NSMCE1: variants seen among roughly 807,000 people sequenced by gnomAD.
NSMCE1 encodes the protein NSE1 component of SMC5/6 complex.
A neutral mutation model predicts 29.6 loss-of-function variants in NSMCE1; 18 were observed. The observed-to-expected ratio is 0.61, with a 90% CI of 0.42 to 0.90. The LOEUF (loss-of-function observed/expected upper bound fraction) is 0.90, where lower values mean the gene tolerates loss of function less well. Among genes scored for constraint, NSMCE1 ranks in the 40% least tolerant of loss-of-function variants. The pLI is 0.00. For missense variants in NSMCE1, 314 were observed against 343.6 expected, an observed-to-expected ratio of 0.91 and a Z score of 0.68; for synonymous variants, 124 against 133.4, an observed-to-expected ratio of 0.93 and a Z score of 0.49.
chr16:27,234,219 G>A lies in NSMCE1; in HGVS notation c.305C>T (p.Ala102Val), dbSNP rs1395664179. 4 of 1,613,164 alleles carry A rather than the reference G, an allele frequency of 2.5e-6. No homozygotes were observed. Among genetic ancestry groups the A allele is most frequent in the Admixed American group, 1.7e-5 (1 of 60,010 alleles). The stretch of plus-strand genomic sequence containing the variant: ...TCTAAACAAATCCAGTTCATTCTCT[G>A]CAAAATCCGTAGCCATTTTGGAAAT... ...TSISKMATDF[A>V]ENELDLFRKA... Residue 102 changes from alanine to valine, a missense_variant, in exon 4 of 8, where the codon GCA becomes GTA. Coordinates refer to ENST00000361439, the MANE Select transcript of NSMCE1 (RefSeq NM_145080.4).
intron 2 of NSMCE1, among the ~76,000 whole-genome samples, chr16:27,242,215 T>C (rs571452900): frequency 3.3e-5 from 5 of 152,224 alleles, no homozygotes; most frequent in Non-Finnish European, 7.3e-5. Flanking sequence ...CTTGACTCCT[T>C]GACCCTCATG....
chr16:27,225,939 T>C, intron 6 of NSMCE1, 93 bp from the exon 7 acceptor site: 1 of 1,473,324 alleles, frequency 6.8e-7, no homozygotes, highest in Admixed American at 1.7e-5. Flanking sequence ...GGGCAGCAGG[T>C]GGCATCGTGT....
In NSMCE1 at chr16:27,261,711, G is replaced by C. The variant is rs537854310; in HGVS notation, c.-11-4130C>G. Among the ~76,000 whole-genome samples, 281 of 152,262 alleles carry C rather than the reference G, an allele frequency of 1.8e-3. 4 individuals carry two copies. The highest frequency in any genetic ancestry group is 2.1e-3 in the Non-Finnish European group (141 of 68,018). On this transcript the variant is annotated intron_variant, in intron 1 of 7. Coordinates refer to ENST00000361439, the MANE Select transcript of NSMCE1 (RefSeq NM_145080.4). ...AAAGCAAACCCTCCCCAACCCATCT[G>C]ACAAGGCTAACCTAATTTGGCCCTG...
chr16:27,234,312 T>C (rs1386513380), intron 3 of NSMCE1, 47 bp from the exon 4 acceptor site: 3 of 1,306,692 alleles, frequency 2.3e-6, no homozygotes, highest in African/African-American at 2.9e-5. Flanking sequence ...CTTTGCGTGT[T>C]GGTTAACGTG....
At chr16:27,237,402 G>A (rs1415840205) in intron 2 of NSMCE1, among the ~76,000 whole-genome samples, 1 of 152,156 alleles carries the variant, frequency 6.6e-6, no homozygotes, top group African/African-American at 2.4e-5. Flanking sequence ...TCTGCCCCCG[G>A]TGCTGTCTTC....
intron 1 of NSMCE1, among the ~76,000 whole-genome samples, chr16:27,266,986 G>A (rs1031005235): frequency 3.3e-5 from 5 of 152,004 alleles, no homozygotes; most frequent in African/African-American, 4.8e-5. Context: ...TATAATATAG[G>A]TTGGCTGGTT....
At chr16:27,265,345 T>C (rs898478839) in intron 1 of NSMCE1, among the ~76,000 whole-genome samples, 1 of 151,816 alleles carries the variant, frequency 6.6e-6, no homozygotes, top group Non-Finnish European at 1.5e-5. Context: ...ATTTCTGTAT[T>C]TTTTGTAGAG....
intron 1 of NSMCE1, among the ~76,000 whole-genome samples, chr16:27,267,132 T>G (rs1285153813): frequency 6.6e-6 from 1 of 152,162 alleles, no homozygotes; most frequent in South Asian, 2.1e-4. Flanking sequence ...CGAAGGCTTT[T>G]GAAGCATTAT....
At chr16:27,237,692 A>G (rs1463968270) in intron 2 of NSMCE1, among the ~76,000 whole-genome samples, 1 of 152,172 alleles carries the variant, frequency 6.6e-6, no homozygotes, top group Non-Finnish European at 1.5e-5. Flanking sequence ...GGTATCACTG[A>G]GAACAATGTG....
At position 27,226,816 on chromosome 16, in the gene NSMCE1, C is replaced by CA; in HGVS notation, c.503dup (p.His169AlafsTer57). 2 of 1,613,144 alleles carry CA rather than the reference C, an allele frequency of 1.2e-6. No individual in the cohort carries two copies. Among genetic ancestry groups the CA allele is most frequent in the South Asian group, 2.2e-5 (2 of 91,060 alleles). On this transcript the variant is annotated frameshift_variant, in exon 6 of 8. Transcript: ENST00000361439. LOFTEE classifies it high-confidence loss of function. ...CCATCTCCAGGATGGCCCGGCCGTG[C>CA]AGGGTGAACTCCCCTTCCTTCTGCA...
rs2083770347 is a variant in NSMCE1, at chr16:27,232,244, G to A, written c.483+757C>T. Among the ~76,000 whole-genome samples the A allele has an allele frequency of 6.6e-6, 1 of 152,232 alleles. No individual in the cohort carries two copies. The highest frequency in any genetic ancestry group is 6.5e-5 in the Admixed American group (1 of 15,286). ...ACACATGGGCACAAGCACCTGGGAG[G>A]CACAGCTGTGGTCAACTCGGCAAAC... is the stretch of plus-strand genomic sequence containing the variant. On this transcript the variant is annotated intron_variant, in intron 5 of 7. Transcript: ENST00000361439. This position sits in a 1 kb window ranked among gnomAD's most constrained non-coding sequence, Gnocchi z 4.5.
chr16:27,226,803 T>C lies in NSMCE1; in HGVS notation c.517A>G (p.Ile173Val), dbSNP rs906039989. 2 of 1,613,890 alleles carry C rather than the reference T, an allele frequency of 1.2e-6. No homozygotes were observed. Among genetic ancestry groups the C allele is most frequent in the South Asian group, 1.1e-5 (1 of 91,090 alleles). ...CGGATGTATTGCTCCATCTCCAGGA[T>C]GGCCCGGCCGTGCAGGGTGAACTCC... ...EGEFTLHGRA[I>V]LEMEQYIRET... The change falls in exon 6 of 8, where the codon ATC becomes GTC. Residue 173 changes from isoleucine to valine, a missense_variant. By Grantham distance (29) the Ile-to-Val change is conservative. Transcript: ENST00000361439.
chr16:27,239,659 C>T (rs2083868609), intron 2 of NSMCE1, among the ~76,000 whole-genome samples: 2 of 152,330 alleles, frequency 1.3e-5, no homozygotes, highest in African/African-American at 4.8e-5. Flanking sequence ...TCTCTGCACA[C>T]CACCAACCTC....
In NSMCE1 at chr16:27,233,134, A is replaced by G. The variant is rs779362706; in HGVS notation, c.350T>C (p.Ile117Thr). ...DLFRKALELI[I>T]DSETGFASST... The stretch of plus-strand genomic sequence containing the variant: ...AGACGCAAAGCCGGTTTCTGAGTCA[A>G]TAATCAGTTCCAGCTGGAAGAAAGA... The change falls in exon 5 of 8, where the codon ATT becomes ACT. Residue 117 changes from isoleucine to threonine, a missense_variant. Physicochemically the swap from Ile to Thr is moderately conservative, Grantham distance 89. Coordinates refer to ENST00000361439, the MANE Select transcript of NSMCE1 (RefSeq NM_145080.4). 15 of 1,613,506 alleles carry G rather than the reference A, an allele frequency of 9.3e-6. No homozygotes were observed. The Admixed American group carries it at 2.2e-4, about 23-fold the overall frequency.
intron 2 of NSMCE1, among the ~76,000 whole-genome samples, chr16:27,247,884 G>A (rs531320185): frequency 5.4e-4 from 82 of 150,754 alleles, no homozygotes; most frequent in African/African-American, 1.7e-3. Flanking sequence ...CGGAGATTGC[G>A]CCATTGCAAT....
chr16:27,240,277 G>T (rs1369761338), intron 2 of NSMCE1, among the ~76,000 whole-genome samples: 2 of 152,196 alleles, frequency 1.3e-5, no homozygotes, highest in African/African-American at 4.8e-5. Flanking sequence ...AACAGGGAAG[G>T]ATGGAAGGCA....
At chr16:27,243,296 A>T (rs905245263) in intron 2 of NSMCE1, among the ~76,000 whole-genome samples, 8 of 152,260 alleles carry the variant, frequency 5.3e-5, no homozygotes, top group African/African-American at 1.9e-4. Flanking sequence ...GTCATGAGAC[A>T]CAGTGATTAA....
chr16:27,243,551 C>G (rs2083917482), intron 2 of NSMCE1, among the ~76,000 whole-genome samples: 1 of 152,226 alleles, frequency 6.6e-6, no homozygotes, highest in South Asian at 2.1e-4. Flanking sequence ...TGCAGGAAGC[C>G]AGGCCAGTCC....
At chr16:27,265,465 G>T (rs932901658) in intron 1 of NSMCE1, among the ~76,000 whole-genome samples, 1 of 152,042 alleles carries the variant, frequency 6.6e-6, no homozygotes, top group Non-Finnish European at 1.5e-5. Context: ...ACCACTCCAG[G>T]CTGAGTATAA....
Sources: allele counts gnomAD v4.1 joint callset (sites outside exome capture counted in the v4.1 genomes callset), GRCh38; gene constraint gnomAD v4.1.1; non-coding constraint Gnocchi (gnomAD v3.1); transcripts MANE v1.5; gene names NCBI Gene and HGNC (gene_info 2026-07-23, HGNC 2026-07-21).